TSNARE1: variants seen among roughly 807,000 people sequenced by gnomAD.
TSNARE1 encodes the protein t-SNARE domain containing 1, also known as t-SNARE domain-containing protein 1.
In TSNARE1, 49 loss-of-function variants were observed where a neutral mutation model predicts 62.0. That is an observed-to-expected ratio of 0.79 (90% CI 0.63 to 1.00). TSNARE1 has a LOEUF of 1.00. TSNARE1 is among the 50% of genes least tolerant of loss of function. The pLI is 0.00. For synonymous variants in TSNARE1, 328 were observed against 294.4 expected, an observed-to-expected ratio of 1.11 and a Z score of -1.17; for missense variants, 755 against 700.1, an observed-to-expected ratio of 1.08 and a Z score of -0.88.
intron 1 of TSNARE1, among the ~76,000 whole-genome samples, chr8:142,359,282 T>C (rs1021580016): frequency 6.6e-6 from 1 of 152,064 alleles, no homozygotes; most frequent in African/African-American, 2.4e-5. Flanking sequence ...CTCCATAAGA[T>C]GCAGATGCCC....
intron 10 of TSNARE1, among the ~76,000 whole-genome samples, chr8:142,297,505 C>A (rs1824967165): frequency 6.6e-6 from 1 of 152,202 alleles, no homozygotes; most frequent in Admixed American, 6.5e-5. Context: ...ACTTCTGAAC[C>A]TACAAAATCT....
At chr8:142,374,795 G>T (rs1836201421) in intron 1 of TSNARE1, among the ~76,000 whole-genome samples, 1 of 152,108 alleles carries the variant, frequency 6.6e-6, no homozygotes, top group Non-Finnish European at 1.5e-5. Flanking sequence ...GGAAACTAGT[G>T]GGGGCAGGGA....
At chr8:142,397,034 C>T (rs1249183898) in intron 1 of TSNARE1, among the ~76,000 whole-genome samples, 3 of 146,590 alleles carry the variant, frequency 2.0e-5, no homozygotes, top group Non-Finnish European at 4.5e-5. Context: ...TCCACAGCCC[C>T]TATGTGTGGC....
chr8:142,278,473 G>A, intron 11 of TSNARE1: 1 of 985,492 alleles, frequency 1.0e-6, no homozygotes. Context: ...CCCAGGAAGG[G>A]GAGGGTCCAG....
chr8:142,271,591 G>T, intron 12 of TSNARE1: 8 of 1,427,778 alleles, frequency 5.6e-6, no homozygotes, highest in Non-Finnish European at 4.6e-6. Context: ...GTGCGTGGAA[G>T]ACTCCTCGTA....
intron 11 of TSNARE1, among the ~76,000 whole-genome samples, chr8:142,281,103 C>T (rs1222730279): frequency 6.6e-6 from 1 of 152,214 alleles, no homozygotes; most frequent in Non-Finnish European, 1.5e-5. Context: ...GACCAGGAGG[C>T]TGTTCTCGGC....
At chr8:142,314,876 T>A (rs1828275954) in intron 8 of TSNARE1, 127 bp downstream of exon 8, 2 of 879,038 alleles carry the variant, frequency 2.3e-6, no homozygotes, top group African/African-American at 3.3e-5. Context: ...AGAACAACCC[T>A]CTTCTCTGCC....
chr8:142,379,026 C>A (rs1327154236), intron 1 of TSNARE1, among the ~76,000 whole-genome samples: 1 of 152,238 alleles, frequency 6.6e-6, no homozygotes, highest in African/African-American at 2.4e-5. Context: ...GGCTATCATG[C>A]CAGCCTTGGG....
At chr8:142,347,413 C>T (rs950058386) in intron 2 of TSNARE1, among the ~76,000 whole-genome samples, 2 of 152,210 alleles carry the variant, frequency 1.3e-5, no homozygotes, top group Non-Finnish European at 2.9e-5. Context: ...CAGCATGGGT[C>T]CCCCTCCCAA....
Position 142,272,965 on chromosome 8 carries a change from A to T in TSNARE1, c.1446+1816T>A, listed in dbSNP as rs866272448. ...TTCACAGATGCCTCATCCCTCCCTG[A>T]TACTCCCTGGTGGACCCCCTCGGGA... On this transcript the variant is annotated intron_variant, in intron 12 of 13. Coordinates refer to ENST00000524325, the MANE Select transcript of TSNARE1 (RefSeq NM_145003.5). 53 of 985,390 alleles carry T rather than the reference A, an allele frequency of 5.4e-5. No individual in the cohort carries two copies. In the Admixed American group the frequency reaches 1.1e-3, roughly 21 times the overall value. The allele number at this position is 985,390 out of a possible 1,614,324, so 61.0% of individuals were successfully genotyped here. A position where few individuals can be genotyped will look rare whatever the true frequency, so the allele number is the denominator to read the frequency against.
chr8:142,301,660 T>C (rs112688496), intron 9 of TSNARE1, among the ~76,000 whole-genome samples: 3,913 of 152,042 alleles, frequency 0.026, 119 homozygotes, highest in Admixed American at 0.083. Flanking sequence ...CCATGTGACA[T>C]TGTGTGTGTG....
intron 6 of TSNARE1, among the ~76,000 whole-genome samples, chr8:142,327,721 C>T (rs1209581431): frequency 3.3e-5 from 5 of 152,212 alleles, no homozygotes; most frequent in Admixed American, 2.0e-4. Flanking sequence ...GTTAGGACTA[C>T]GCCCATGAAA....
upstream of TSNARE1, chr8:142,406,237 G>A (rs1261948813): frequency 1.3e-5 from 2 of 152,326 alleles, no homozygotes; most frequent in African/African-American, 4.8e-5. Context: ...ACCATGGGGA[G>A]AACAAGCCCC....
At chr8:142,345,605 G>A (rs1391230573) in intron 3 of TSNARE1, 138 bp downstream of exon 3, 11 of 1,036,200 alleles carry the variant, frequency 1.1e-5, no homozygotes, top group Admixed American at 3.0e-5. Context: ...CTGGCAGGGG[G>A]CAGGGGATGC....
chr8:142,358,780 A>AC (rs568103524), intron 1 of TSNARE1, among the ~76,000 whole-genome samples: 7 of 151,700 alleles, frequency 4.6e-5, no homozygotes, highest in African/African-American at 7.3e-5. Context: ...AGTGGGTGCA[A>AC]CCCCCCCATC....
Position 142,280,430 on chromosome 8 carries a change from G to A in TSNARE1, c.1363+3983C>T, listed in dbSNP as rs945163327. On this transcript the variant is annotated intron_variant, in intron 11 of 13. Transcript: ENST00000524325. ...CCCTGCATCTGTGCACAGCGGCCAGGCCTCGCATCGGCACCCAGCATAGGC... is the reference window on the plus strand; with the variant it reads ...CCCTGCATCTGTGCACAGCGGCCAGACCTCGCATCGGCACCCAGCATAGGC... 11 of 663,056 alleles carry A rather than the reference G, an allele frequency of 1.7e-5. No individual in the cohort carries two copies. In the African/African-American group the frequency reaches 1.8e-4, roughly 11 times the overall value. The allele number at this position is 663,056 out of a possible 1,614,324, so 41.1% of individuals were successfully genotyped here. A position where few individuals can be genotyped will look rare whatever the true frequency, so the allele number is the denominator to read the frequency against.
At chr8:142,315,772 C>A (rs768899237) in intron 7 of TSNARE1, among the ~76,000 whole-genome samples, 64 of 152,334 alleles carry the variant, frequency 4.2e-4, no homozygotes, top group Middle Eastern at 3.4e-3. Context: ...CCATGGCTAT[C>A]GGAGGATTGG....
intron 10 of TSNARE1, among the ~76,000 whole-genome samples, chr8:142,299,824 T>C (rs968661306): frequency 6.6e-6 from 1 of 152,236 alleles, no homozygotes; most frequent in Admixed American, 6.5e-5. Context: ...GGATACTCTG[T>C]TTTAGCAACT....
chr8:142,396,385 C>T (rs1837899819), intron 1 of TSNARE1, among the ~76,000 whole-genome samples: 1 of 152,174 alleles, frequency 6.6e-6, no homozygotes, highest in South Asian at 2.1e-4. Flanking sequence ...GAACAAGAAT[C>T]TTGAGCTCCG....
Sources: gnomAD v4.1 joint callset for allele counts (sites outside exome capture counted in the v4.1 genomes callset) on GRCh38, gnomAD v4.1.1 for gene constraint, MANE v1.5 for transcripts, NCBI Gene and HGNC (gene_info 2026-07-23, HGNC 2026-07-21) for gene names.